ZNF248: variants seen among roughly 807,000 people sequenced by gnomAD.
The protein encoded by ZNF248 is KRAB protein domain.
ZNF248 carries 20 observed loss-of-function variants against 44.3 expected under a neutral mutation model. That is an observed-to-expected ratio of 0.45 (90% CI 0.32 to 0.66). The LOEUF (loss-of-function observed/expected upper bound fraction) is 0.66, where lower values mean the gene tolerates loss of function less well. Among genes scored for constraint, ZNF248 ranks in the 30% least tolerant of loss-of-function variants. The probability of loss-of-function intolerance (pLI) is 0.04; values close to 1 mark genes in which losing one functional copy is unlikely to be tolerated. For missense variants in ZNF248, 654 were observed against 677.0 expected, an observed-to-expected ratio of 0.97 and a Z score of 0.38; for synonymous variants, 224 against 229.0, an observed-to-expected ratio of 0.98 and a Z score of 0.20.
At chr10:37,820,913 C>T (rs2053360149) in intron 6 of ZNF248, 1 of 1,536,416 alleles carries the variant, frequency 6.5e-7, no homozygotes, top group African/African-American at 1.4e-5. Flanking sequence ...TTACTAATAC[C>T]TACTCTAGTA....
intron 3 of ZNF248, among the ~76,000 whole-genome samples, chr10:37,854,133 TA>T (rs2060839122): frequency 6.6e-6 from 1 of 152,166 alleles, no homozygotes; most frequent in Admixed American, 6.6e-5. Flanking sequence ...ATAAAATGCA[TA>T]AAAGTATTAG....
chr10:37,777,447 G>A (rs529475046), intron 6 of ZNF248, among the ~76,000 whole-genome samples: 3 of 151,412 alleles, frequency 2.0e-5, no homozygotes, highest in East Asian at 1.9e-4. Context: ...ATACAATTTG[G>A]CTTCCAGCCC....
At chr10:37,768,969 T>C in the ZNF248 span, among the ~76,000 whole-genome samples, 8 of 152,112 alleles carry the variant, frequency 5.3e-5, no homozygotes, top group African/African-American at 1.7e-4. Context: ...AAATACAAAC[T>C]ACCATCAGAG....
chr10:37,804,221 G>A (rs1262844938), intron 6 of ZNF248, among the ~76,000 whole-genome samples: 3 of 141,428 alleles, frequency 2.1e-5, no homozygotes, highest in African/African-American at 7.9e-5. Context: ...ATTTCAGAGT[G>A]CAGTCTACTA....
rs139468173 is a variant in ZNF248 at position 37,832,702 on chromosome 10, T to C, written c.653A>G (p.Lys218Arg). The change falls in exon 6 of 6, where the codon AAA becomes AGA. Residue 218 changes from lysine (K) to arginine (R), a missense_variant. Transcript: ENST00000395867. ...PSFGQSFEYS[K>R]NGQGFHDEAA... is the part of the protein sequence containing the mutation. ...CTCATCATGGAAGCCTTGTCCATTTTTACTATACTCAAAAGATTGGCCAAA... is the reference window on the plus strand; with the variant it reads ...CTCATCATGGAAGCCTTGTCCATTTCTACTATACTCAAAAGATTGGCCAAA... 434 of 1,613,574 alleles carry C rather than the reference T, an allele frequency of 2.7e-4. 1 individual carries two copies. The highest frequency in any genetic ancestry group is 2.1e-3 in the Middle Eastern group (13 of 6,062).
chr10:37,844,818 C>T (rs1021066082), intron 3 of ZNF248, among the ~76,000 whole-genome samples: 4 of 152,044 alleles, frequency 2.6e-5, no homozygotes, highest in African/African-American at 7.2e-5. Flanking sequence ...ACAAACAATT[C>T]GAAAGACAGA....
chr10:37,818,732 C>T, intron 6 of ZNF248: 1 of 613,128 alleles, frequency 1.6e-6, no homozygotes, highest in Admixed American at 2.4e-5. Context: ...TGCTGGGCAT[C>T]AATGCAGTCC....
intron 6 of ZNF248, among the ~76,000 whole-genome samples, chr10:37,800,345 T>A (rs1208716): frequency 0.2 from 29,978 of 152,108 alleles, 3,225 homozygotes; most frequent in Middle Eastern, 0.28. Flanking sequence ...TCTAGCTCCC[T>A]CTTATAAGTA....
chr10:37,793,053 G>A (rs1387534137), intron 6 of ZNF248, among the ~76,000 whole-genome samples: 1 of 152,074 alleles, frequency 6.6e-6, no homozygotes, highest in East Asian at 1.9e-4. Context: ...AAAAATATTG[G>A]CCGGGCGCGG....
At chr10:37,763,515 C>T in the ZNF248 span, among the ~76,000 whole-genome samples, 1 of 152,138 alleles carries the variant, frequency 6.6e-6, no homozygotes, top group Non-Finnish European at 1.5e-5. Context: ...CCTTTGGCTA[C>T]CTGTAATACT....
At chr10:37,774,092 C>T (rs2046396534), downstream of ZNF248, among the ~76,000 whole-genome samples, 1 of 152,034 alleles carries the variant, frequency 6.6e-6, no homozygotes, top group South Asian at 2.1e-4. Context: ...TATTTTTCTT[C>T]ATCTTAAAGT....
intron 6 of ZNF248, chr10:37,819,961 C>T (rs1166367121): frequency 6.5e-6 from 5 of 767,524 alleles, no homozygotes; most frequent in Non-Finnish European, 1.2e-5. Flanking sequence ...AGTAAAGCGG[C>T]CCCATCTCAA....
the ZNF248 span, among the ~76,000 whole-genome samples, chr10:37,759,418 C>A: frequency 6.6e-6 from 1 of 152,108 alleles, no homozygotes; most frequent in Non-Finnish European, 1.5e-5. Flanking sequence ...AGGAAGTATG[C>A]TAAGTTACAT....
chr10:37,828,314 T>A (rs1348328122), downstream of ZNF248, among the ~76,000 whole-genome samples: 1 of 152,210 alleles, frequency 6.6e-6, no homozygotes, highest in Non-Finnish European at 1.5e-5. Flanking sequence ...ACCTTGTATC[T>A]GACAACTTTT....
the ZNF248 span, among the ~76,000 whole-genome samples, chr10:37,769,438 T>A: frequency 1.1e-4 from 16 of 152,316 alleles, no homozygotes; most frequent in African/African-American, 3.6e-4. Context: ...TCAAGTGGGC[T>A]TCATCCCTGG....
chr10:37,824,772 C>T (rs71491211), downstream of ZNF248, among the ~76,000 whole-genome samples: 1 of 137,542 alleles, frequency 7.3e-6, no homozygotes, highest in African/African-American at 2.7e-5. Flanking sequence ...AGCTCCACCT[C>T]TCCGGTTCAC....
At chr10:37,803,298 A>AG (rs1486920978) in intron 6 of ZNF248, 3 of 152,248 alleles carry the variant, frequency 2.0e-5, no homozygotes, top group African/African-American at 7.2e-5. Flanking sequence ...ACAGGAAGGG[A>AG]GCAGGCTTAT....
chr10:37,826,759 G>A (rs2133775246), downstream of ZNF248, among the ~76,000 whole-genome samples: 1 of 152,150 alleles, frequency 6.6e-6, no homozygotes, highest in East Asian at 1.9e-4. Context: ...AAACTCTCCG[G>A]CTATGCCTGG....
At chr10:37,781,787 G>C (rs1298573287) in intron 6 of ZNF248, among the ~76,000 whole-genome samples, 1 of 152,218 alleles carries the variant, frequency 6.6e-6, no homozygotes, top group Admixed American at 6.5e-5. Flanking sequence ...ATTGGCCTGA[G>C]TGGGAGAGCA....
Sources: allele counts gnomAD v4.1 joint callset (sites outside exome capture counted in the v4.1 genomes callset), GRCh38; gene constraint gnomAD v4.1.1; transcripts MANE v1.5; gene names NCBI Gene and HGNC (gene_info 2026-07-23, HGNC 2026-07-21).